The following ANO4 variants were observed in gnomAD, a reference collection of about 807,000 sequenced individuals.
ANO4 encodes anoctamin 4.
Under a neutral mutation model 141.9 loss-of-function variants are expected in ANO4, and 69 were observed. The ratio of observed to expected loss-of-function variants is 0.49; its 90% CI spans 0.40 to 0.59. ANO4 has a LOEUF of 0.59. Ranked by LOEUF, ANO4 falls within the 20% of genes least tolerant of loss-of-function variation. ANO4 has a pLI of 0.00. For synonymous variants in ANO4, 350 were observed against 394.3 expected (o/e 0.89, Z 1.33); for missense variants, 894 against 1,162.2 (o/e 0.77, Z 3.36).
chr12:100,920,127 G>A (rs1291140377), intron 2 of ANO4, among the ~76,000 whole-genome samples: 3 of 151,924 alleles, frequency 2.0e-5, no homozygotes, highest in Middle Eastern at 3.2e-3. Context: ...TATGTAATGT[G>A]TTTTGTCTTG....
chr12:100,811,328 T>C (rs1402847591), intron 1 of ANO4, among the ~76,000 whole-genome samples: 2 of 152,226 alleles, frequency 1.3e-5, no homozygotes, highest in Non-Finnish European at 2.9e-5. Flanking sequence ...TAAGATGTTC[T>C]GGAGACTTGA....
chr12:101,035,180 A>G (rs920380348), intron 9 of ANO4, among the ~76,000 whole-genome samples: 2 of 152,226 alleles, frequency 1.3e-5, no homozygotes, highest in Non-Finnish European at 2.9e-5. Context: ...TAAACAAATT[A>G]TTACATGTGA....
chr12:100,813,306 T>A (rs1329171021), intron 1 of ANO4, among the ~76,000 whole-genome samples: 1 of 152,166 alleles, frequency 6.6e-6, no homozygotes, highest in Admixed American at 6.6e-5. Flanking sequence ...AAATGGGTGA[T>A]CCTCTCCAAG....
intron 2 of ANO4, among the ~76,000 whole-genome samples, chr12:100,919,481 A>C (rs117837989): frequency 0.044 from 6,761 of 152,244 alleles, 210 homozygotes; most frequent in Non-Finnish European, 0.064. Context: ...CAGTGCAGTA[A>C]CATGCTGTAC....
intron 1 of ANO4, among the ~76,000 whole-genome samples, chr12:100,820,822 T>G (rs2036008596): frequency 6.6e-6 from 1 of 152,058 alleles, no homozygotes; most frequent in Non-Finnish European, 1.5e-5. Flanking sequence ...AATGATAAAG[T>G]GATGGATGCT....
chr12:100,908,501 T>C (rs543033949), intron 2 of ANO4, among the ~76,000 whole-genome samples: 1 of 152,228 alleles, frequency 6.6e-6, no homozygotes, highest in Non-Finnish European at 1.5e-5. Context: ...AAGAAAAAAA[T>C]ATATTAAGTT....
chr12:100,969,627 G>A (rs139830483), intron 5 of ANO4, among the ~76,000 whole-genome samples: 1 of 152,274 alleles, frequency 6.6e-6, no homozygotes, highest in East Asian at 1.9e-4. Flanking sequence ...TTCCCGGAGT[G>A]CAAATTTACC....
intron 3 of ANO4, among the ~76,000 whole-genome samples, chr12:100,786,743 T>A (rs957807182): frequency 6.6e-6 from 1 of 152,198 alleles, no homozygotes; most frequent in Non-Finnish European, 1.5e-5. Flanking sequence ...GATGAATCTT[T>A]GTGGGATAAA....
At chr12:100,865,221 T>A (rs1055578246) in intron 1 of ANO4, among the ~76,000 whole-genome samples, 2 of 152,206 alleles carry the variant, frequency 1.3e-5, no homozygotes, top group African/African-American at 2.4e-5. Flanking sequence ...TCTTCCACAA[T>A]GGTTGAACTA....
intron 8 of ANO4, among the ~76,000 whole-genome samples, chr12:101,019,058 G>A (rs968129210): frequency 3.9e-5 from 6 of 152,142 alleles, no homozygotes; most frequent in Non-Finnish European, 5.9e-5. Context: ...GGACAGAAGT[G>A]TAGTTGGAGG....
chr12:100,824,447 CT>C (rs1424723366), intron 1 of ANO4, among the ~76,000 whole-genome samples: 1 of 151,900 alleles, frequency 6.6e-6, no homozygotes, highest in East Asian at 1.9e-4. Context: ...CAAAAAAAAA[CT>C]TTAGCCAAAC....
In ANO4 at chr12:100,939,377, G is replaced by A. The variant is rs371304626; in HGVS notation, c.223G>A (p.Asp75Asn). 1.2e-6 allele frequency: 2 copies of A among 1,613,770 alleles called. No individual in the cohort carries two copies. The highest frequency in any genetic ancestry group is 1.7e-6 in the Non-Finnish European group (2 of 1,179,742). ...AGCTGTCAGCAGTCCTTGCAAAGAT[G>A]ACGATTCTCTTCTTCACCCTGGAAA... Reference protein sequence around the residue: ...LEAVSSPCKDDDSLLHPGNLT... With the variant: ...LEAVSSPCKDNDSLLHPGNLT... Residue 75 changes from aspartate to asparagine, a missense_variant, in exon 4 of 28, where the codon GAC becomes AAC. Around this residue, in one of 2 missense-constraint regions of ANO4, gnomAD observed 257 missense variants for 253.0 expected, o/e 1.02. Coordinates refer to ENST00000392977, the MANE Select transcript of ANO4 (RefSeq NM_001286615.2).
intron 1 of ANO4, among the ~76,000 whole-genome samples, chr12:100,834,289 C>T (rs2036787595): frequency 6.6e-6 from 1 of 152,068 alleles, no homozygotes; most frequent in Non-Finnish European, 1.5e-5. Flanking sequence ...TTTCGACTGC[C>T]CTAGTACGAG....
At chr12:101,057,178 A>G (rs1214951702) in intron 14 of ANO4, among the ~76,000 whole-genome samples, 1 of 152,088 alleles carries the variant, frequency 6.6e-6, no homozygotes, top group African/African-American at 2.4e-5. Flanking sequence ...TGAAAAGGAC[A>G]TGAACTCATT....
At chr12:100,834,942 T>C (rs1233752039) in intron 1 of ANO4, among the ~76,000 whole-genome samples, 1 of 152,024 alleles carries the variant, frequency 6.6e-6, no homozygotes, top group Non-Finnish European at 1.5e-5. Flanking sequence ...CTAGAGGTCA[T>C]TGCAGCTGGA....
At chr12:100,966,832 TATATATACACAC>T (rs900664370) in intron 5 of ANO4, among the ~76,000 whole-genome samples, 19 of 120,878 alleles carry the variant, frequency 1.6e-4, no homozygotes, top group Admixed American at 1.4e-3. Context: ...TATATACACA[TATATATACACAC>T]ACACATATAC....
At chr12:100,875,844 G>A (rs1400959700) in intron 1 of ANO4, among the ~76,000 whole-genome samples, 2 of 152,126 alleles carry the variant, frequency 1.3e-5, no homozygotes, top group Non-Finnish European at 2.9e-5. Flanking sequence ...GAGGTAGAGA[G>A]GTCATTTTGT....
chr12:100,973,795 C>T (rs1445361545), intron 6 of ANO4, among the ~76,000 whole-genome samples: 2 of 152,180 alleles, frequency 1.3e-5, no homozygotes, highest in African/African-American at 4.8e-5. Flanking sequence ...CATGTATCCA[C>T]CATTGCAGGA....
At chr12:100,815,791 A>C (rs12320096) in intron 1 of ANO4, among the ~76,000 whole-genome samples, 47 of 151,852 alleles carry the variant, frequency 3.1e-4, no homozygotes, top group Admixed American at 2.8e-3. Context: ...GAATTTATGC[A>C]TATGTATTTT....
Sources: gnomAD v4.1 joint callset for allele counts (sites outside exome capture counted in the v4.1 genomes callset) on GRCh38, gnomAD v4.1.1 for gene constraint, gnomAD v4.1.1 regional missense constraint, MANE v1.5 for transcripts, NCBI Gene and HGNC (gene_info 2026-07-23, HGNC 2026-07-21) for gene names.